The following TMPRSS11B variants were observed in gnomAD, a reference collection of about 807,000 sequenced individuals.
TMPRSS11B encodes transmembrane serine protease 11B.
In TMPRSS11B, 53 loss-of-function variants were observed where a neutral mutation model predicts 44.7. That is an observed-to-expected ratio of 1.19 (90% CI 0.95 to 1.49). The LOEUF (loss-of-function observed/expected upper bound fraction) is 1.49, where lower values mean the gene tolerates loss of function less well. Ranked by LOEUF, TMPRSS11B falls within the 40% of genes most tolerant of loss-of-function variation. The pLI, the probability that TMPRSS11B is intolerant of heterozygous loss-of-function variation, is 0.00. For synonymous variants in TMPRSS11B, 140 were observed against 159.2 expected (o/e 0.88, Z 0.91); for missense variants, 526 against 494.8 (o/e 1.06, Z -0.60).
rs1369461469 is a variant in TMPRSS11B at position 68,245,591 on chromosome 4, A to G, written c.-33T>C. Reference sequence around the variant, plus strand: ...TGATTGTTATGGCAGTATCAGGTATAACGGTGGTAATGATGATGACGAAGA... The same window carrying G: ...TGATTGTTATGGCAGTATCAGGTATGACGGTGGTAATGATGATGACGAAGA... On this transcript the variant is annotated 5_prime_UTR_variant, in exon 1 of 10. Coordinates refer to ENST00000332644, the MANE Select transcript of TMPRSS11B (RefSeq NM_182502.3). The G allele has an allele frequency of 1.9e-6, 3 of 1,611,678 alleles. No individual in the cohort carries two copies. Among genetic ancestry groups the G allele is most frequent in the African/African-American group, 2.7e-5 (2 of 74,818 alleles).
chr4:68,234,427 C>T (rs747967338), intron 5 of TMPRSS11B, 36 bp downstream of exon 5: 1 of 1,578,066 alleles, frequency 6.3e-7, no homozygotes, highest in South Asian at 1.2e-5. Flanking sequence ...CAGAAAAAAC[C>T]TATGTAATAG....
intron 1 of TMPRSS11B, among the ~76,000 whole-genome samples, chr4:68,242,096 C>T (rs1230811186): frequency 4.8e-5 from 7 of 144,436 alleles, no homozygotes; most frequent in Admixed American, 1.5e-4. Flanking sequence ...AAAATTGAAG[C>T]AGGTTACAAA....
In TMPRSS11B at chr4:68,231,164, C is replaced by T. The variant is rs200294596; in HGVS notation, c.686+39G>A. 3.4e-5 allele frequency: 53 copies of T among 1,557,954 alleles called. No homozygotes were observed. In the African/African-American group the frequency reaches 6.8e-4, roughly 20 times the overall value. Reference sequence around the variant, plus strand: ...CTACAAACTATCCAAAATAGTTTTGCACCTAGCATCCTTCATTTAGTCAAA... The same window carrying T: ...CTACAAACTATCCAAAATAGTTTTGTACCTAGCATCCTTCATTTAGTCAAA... On this transcript the variant is annotated intron_variant, in intron 7 of 9. Transcript: ENST00000332644.
rs867084173 is a variant in TMPRSS11B at position 68,245,612 on chromosome 4, G to A, written c.-54C>T. ...GTATAACGGTGGTAATGATGATGAC[G>A]AAGATAACGATAACGATGACAATGC... is the stretch of plus-strand genomic sequence containing the variant. On this transcript the variant is annotated 5_prime_UTR_variant, in exon 1 of 10. Coordinates refer to ENST00000332644, the MANE Select transcript of TMPRSS11B (RefSeq NM_182502.3). 6.3e-6 allele frequency: 10 copies of A among 1,593,542 alleles called. No homozygotes were observed. In the Admixed American group the frequency reaches 8.4e-5, roughly 13 times the overall value.
Position 68,228,686 on chromosome 4 carries a change from A to C in TMPRSS11B, c.1089+56T>G. ...ACACAAAAAAAATTTTATGTGGATA[A>C]AAACTTCCATTTGATTAACTGGGAG... On this transcript the variant is annotated intron_variant, in intron 9 of 9. Transcript: ENST00000332644. The C allele has an allele frequency of 2.6e-6, 4 of 1,544,678 alleles. No individual in the cohort carries two copies. In the South Asian group the frequency reaches 5.1e-5, roughly 20 times the overall value.
chr4:68,242,913 A>T (rs1171419448), intron 1 of TMPRSS11B, among the ~76,000 whole-genome samples: 2 of 152,200 alleles, frequency 1.3e-5, no homozygotes. Flanking sequence ...TTTGCATAAT[A>T]TAAATTAATA....
intron 7 of TMPRSS11B, 47 bp downstream of exon 7, chr4:68,231,156 T>C (rs1560441214): frequency 6.5e-7 from 1 of 1,531,308 alleles, no homozygotes; most frequent in Admixed American, 2.1e-5. Flanking sequence ...CTATCCAAAA[T>C]AGTTTTGCAC....
chr4:68,228,877 A>G lies in TMPRSS11B; in HGVS notation c.954T>C (p.Phe318=). 1 of 1,612,234 alleles carries G rather than the reference A, an allele frequency of 6.2e-7. No individual in the cohort carries two copies. Among genetic ancestry groups the G allele is most frequent in the Non-Finnish European group, 8.5e-7 (1 of 1,179,364 alleles). Residue 318 remains phenylalanine, a synonymous_variant, in exon 9 of 10, where the codon TTT becomes TTC. Transcript: ENST00000332644. ...AAAAGTCTTCTTGAAGTATCACTGG[A>G]AATGAACCTAAAAGCAATAAGTGCT... ...GWGTLYMNGS[F]PVILQEDFLK...
rs779234887 is a variant in TMPRSS11B at position 68,231,349 on chromosome 4, T to A, written c.540A>T (p.Ile180=). The A allele has an allele frequency of 6.2e-7, 1 of 1,613,890 alleles. No individual in the cohort carries two copies. The highest frequency in any genetic ancestry group is 1.1e-5 in the South Asian group (1 of 91,034). ...TTCCATTCACAATTTTGTTGCCAGT[T>A]ATGATACTGTTGGCTACTTGTCTCC... ...CCGRQVANSI[I]TGNKIVNGKS... is the part of the protein sequence containing the mutation. Residue 180 remains isoleucine, a synonymous_variant, in exon 7 of 10, where the codon ATA becomes ATT. Transcript: ENST00000332644.
chr4:68,229,690 T>C, intron 7 of TMPRSS11B, 174 bp from the exon 8 acceptor site: 1 of 534,902 alleles, frequency 1.9e-6, no homozygotes, highest in Non-Finnish European at 3.2e-6. Context: ...TTGCAGTCAC[T>C]TAAAAATAAT....
chr4:68,229,232 A>G (rs1285624478), intron 8 of TMPRSS11B, 25 bp downstream of exon 8: 1 of 1,561,900 alleles, frequency 6.4e-7, no homozygotes, highest in East Asian at 2.3e-5. Context: ...CCATGCAGCT[A>G]TTATGATTTT....
chr4:68,242,337 T>TATATGTAATATATATTATA (rs1553896881), intron 1 of TMPRSS11B, among the ~76,000 whole-genome samples: 1 of 31,938 alleles, frequency 3.1e-5, no homozygotes, highest in Non-Finnish European at 4.8e-5. Flanking sequence ...TATTATATTA[T>TATATGTAATATATATTATA]ATATATATTA....
intron 4 of TMPRSS11B, 99 bp from the exon 5 acceptor site, chr4:68,234,722 T>C: frequency 7.7e-7 from 1 of 1,298,312 alleles, no homozygotes; most frequent in Non-Finnish European, 1.1e-6. Context: ...ACATTTTCTT[T>C]ACATATATTA....
intron 8 of TMPRSS11B, 132 bp downstream of exon 8, chr4:68,229,125 C>T: frequency 1.9e-6 from 2 of 1,029,564 alleles, no homozygotes; most frequent in East Asian, 2.5e-5. Context: ...GCTTTTTGTC[C>T]CACCACTTGG....
At chr4:68,241,099 T>G (rs181354372) in intron 2 of TMPRSS11B, among the ~76,000 whole-genome samples, 1 of 152,150 alleles carries the variant, frequency 6.6e-6, no homozygotes, top group African/African-American at 2.4e-5. Context: ...GAATGATGGA[T>G]GTCAAATTTA....
At chr4:68,241,483 A>C (rs1035821467) in intron 2 of TMPRSS11B, among the ~76,000 whole-genome samples, 11 of 152,178 alleles carry the variant, frequency 7.2e-5, no homozygotes, top group African/African-American at 9.6e-5. Context: ...TCTTGCTCAT[A>C]CCCCCATAGT....
At chr4:68,239,073 G>C (rs1449315338) in intron 2 of TMPRSS11B, among the ~76,000 whole-genome samples, 1 of 152,162 alleles carries the variant, frequency 6.6e-6, no homozygotes, top group African/African-American at 2.4e-5. Flanking sequence ...GATTTTTACT[G>C]TGGATTGAAT....
At chr4:68,230,919 T>C (rs146328136) in intron 7 of TMPRSS11B, among the ~76,000 whole-genome samples, 1,615 of 152,262 alleles carry the variant, frequency 0.011, 29 homozygotes, top group African/African-American at 0.034. Flanking sequence ...CAGAATTGAA[T>C]GTTGTGATTA....
chr4:68,233,486 A>G (rs1719576077), intron 5 of TMPRSS11B, among the ~76,000 whole-genome samples: 1 of 152,092 alleles, frequency 6.6e-6, no homozygotes, highest in Non-Finnish European at 1.5e-5. Flanking sequence ...CACTTTCTGT[A>G]AGGAGGCAAA....
Sources: gnomAD v4.1 joint callset for allele counts (sites outside exome capture counted in the v4.1 genomes callset) on GRCh38, gnomAD v4.1.1 for gene constraint, MANE v1.5 for transcripts, NCBI Gene and HGNC (gene_info 2026-07-23, HGNC 2026-07-21) for gene names.